Variants in REDIC1 observed in about 807,000 individuals in gnomAD.
REDIC1 encodes HEI10 Interacting Protein 1.
At chr12:39,823,171 TA>T in the REDIC1 span, among the ~76,000 whole-genome samples, 1 of 152,148 alleles carries the variant, frequency 6.6e-6, no homozygotes, top group African/African-American at 2.4e-5. Context: ...AGCAGTAACA[TA>T]AAAAAGTATA....
At chr12:39,638,373 T>C in the REDIC1 span, among the ~76,000 whole-genome samples, 5 of 152,032 alleles carry the variant, frequency 3.3e-5, no homozygotes, top group African/African-American at 1.2e-4. Context: ...GTATCCAGTA[T>C]TCACCAGTGC....
At chr12:39,735,480 T>TTA in the REDIC1 span, among the ~76,000 whole-genome samples, 1 of 152,190 alleles carries the variant, frequency 6.6e-6, no homozygotes, top group Non-Finnish European at 1.5e-5. Flanking sequence ...TAGCTGCCTG[T>TTA]TATAAAATGG....
At chr12:39,641,842 C>T in the REDIC1 span, among the ~76,000 whole-genome samples, 1 of 151,576 alleles carries the variant, frequency 6.6e-6, no homozygotes, top group African/African-American at 2.4e-5. Flanking sequence ...GGATTCTTTT[C>T]CTTCCCAGCT....
the REDIC1 span, among the ~76,000 whole-genome samples, chr12:39,741,685 T>C: frequency 5.3e-5 from 8 of 152,296 alleles, no homozygotes; most frequent in African/African-American, 1.7e-4. Context: ...CATAAATCAA[T>C]ACATGGAAGG....
the REDIC1 span, among the ~76,000 whole-genome samples, chr12:39,714,025 GTATA>G: frequency 3.3e-4 from 4 of 12,260 alleles, no homozygotes; most frequent in South Asian, 3.8e-3. Context: ...GTTTATATAA[GTATA>G]TATACATGTA....
the REDIC1 span, among the ~76,000 whole-genome samples, chr12:39,894,370 CACA>C: frequency 6.6e-6 from 1 of 152,148 alleles, no homozygotes. Context: ...AGTAGAATAT[CACA>C]ACAATATTTT....
the REDIC1 span, among the ~76,000 whole-genome samples, chr12:39,825,958 A>G: frequency 6.6e-6 from 1 of 151,988 alleles, no homozygotes; most frequent in Non-Finnish European, 1.5e-5. Flanking sequence ...TGTTTTGTTT[A>G]TTTTAGTTTC....
the REDIC1 span, among the ~76,000 whole-genome samples, chr12:39,660,438 G>A: frequency 6.6e-6 from 1 of 152,092 alleles, no homozygotes; most frequent in African/African-American, 2.4e-5. Flanking sequence ...CTCTCTCTCA[G>A]GGATCATTAT....
the REDIC1 span, among the ~76,000 whole-genome samples, chr12:39,824,883 G>C: frequency 7.9e-5 from 12 of 152,186 alleles, no homozygotes; most frequent in Middle Eastern, 6.8e-3. Context: ...GATCAAGGAG[G>C]GTAAATTCTA....
At chr12:39,769,227 C>T in the REDIC1 span, among the ~76,000 whole-genome samples, 1 of 152,044 alleles carries the variant, frequency 6.6e-6, no homozygotes, top group African/African-American at 2.4e-5. Context: ...TCAACTATTG[C>T]CTCAATTAAT....
At chr12:39,696,925 A>T in the REDIC1 span, among the ~76,000 whole-genome samples, 92 of 152,320 alleles carry the variant, frequency 6.0e-4, no homozygotes, top group Non-Finnish European at 1.1e-3. Flanking sequence ...TGCCTACAGG[A>T]TCTAGAAAAT....
chr12:39,640,058 G>GTT, the REDIC1 span, among the ~76,000 whole-genome samples: 9 of 138,488 alleles, frequency 6.5e-5, no homozygotes, highest in African/African-American at 1.3e-4. Context: ...GAACTACTAG[G>GTT]TTTTTTTTTT....
At chr12:39,855,444 A>G in the REDIC1 span, among the ~76,000 whole-genome samples, 1 of 152,184 alleles carries the variant, frequency 6.6e-6, no homozygotes, top group Non-Finnish European at 1.5e-5. Flanking sequence ...GCCTTCTGTC[A>G]TGGCCCTGGG....
At chr12:39,770,177 T>C in the REDIC1 span, among the ~76,000 whole-genome samples, 2 of 152,096 alleles carry the variant, frequency 1.3e-5, no homozygotes, top group African/African-American at 4.8e-5. Flanking sequence ...TCTCTCATAA[T>C]CATCTCATCT....
At chr12:39,856,472 G>A in the REDIC1 span, among the ~76,000 whole-genome samples, 6 of 152,114 alleles carry the variant, frequency 3.9e-5, no homozygotes, top group East Asian at 1.9e-4. Flanking sequence ...GGGCTCAAGC[G>A]TTTCTCCTGC....
the REDIC1 span, among the ~76,000 whole-genome samples, chr12:39,748,983 G>T: frequency 6.6e-6 from 1 of 152,160 alleles, no homozygotes; most frequent in Admixed American, 6.5e-5. Flanking sequence ...ATCTAAAATT[G>T]ACACCCTAAC....
the REDIC1 span, among the ~76,000 whole-genome samples, chr12:39,656,766 A>G: frequency 6.6e-6 from 1 of 152,176 alleles, no homozygotes; most frequent in South Asian, 2.1e-4. Flanking sequence ...GACCTAGGCT[A>G]ATGTATGTTT....
the REDIC1 span, among the ~76,000 whole-genome samples, chr12:39,705,931 C>T: frequency 6.6e-6 from 1 of 151,848 alleles, no homozygotes; most frequent in Non-Finnish European, 1.5e-5. Flanking sequence ...CATTTTTATT[C>T]AACATAGTAC....
the REDIC1 span, among the ~76,000 whole-genome samples, chr12:39,832,807 A>G: frequency 1.3e-5 from 2 of 151,954 alleles, no homozygotes; most frequent in African/African-American, 4.8e-5. Flanking sequence ...ATTCCATTAT[A>G]CCCATCTGGT....
Sources: allele counts gnomAD v4.1 joint callset (sites outside exome capture counted in the v4.1 genomes callset), GRCh38; gene constraint gnomAD v4.1.1; transcripts MANE v1.5; gene names NCBI Gene and HGNC (gene_info 2026-07-23, HGNC 2026-07-21).